Variants in TENM1 observed in about 807,000 individuals in gnomAD.
The protein encoded by TENM1 is teneurin transmembrane protein 1.
Under a neutral mutation model 174.8 loss-of-function variants are expected in TENM1, and 35 were observed. That is an observed-to-expected ratio of 0.20 (90% confidence interval 0.15 to 0.27). TENM1 has a LOEUF of 0.27. Among genes scored for constraint, TENM1 ranks in the 10% least tolerant of loss-of-function variants. The pLI is 1.00. For missense variants in TENM1, 1,633 were observed against 2,130.1 expected, an observed-to-expected ratio of 0.77 and a Z score of 4.59; for synonymous variants, 781 against 798.7, an observed-to-expected ratio of 0.98 and a Z score of 0.37.
intron 3 of TENM1, among the ~76,000 whole-genome samples, chrX:124,739,069 G>T (rs1314382673): frequency 8.9e-6 from 1 of 112,014 alleles, no homozygotes; most frequent in Non-Finnish European, 1.9e-5. Context: ...AATGTAGAAA[G>T]GAAGGCAGTG....
At chrX:124,625,678 G>A (rs944563700) in intron 11 of TENM1, among the ~76,000 whole-genome samples, 1 of 110,836 alleles carries the variant, frequency 9.0e-6, no homozygotes, top group African/African-American at 3.3e-5. Flanking sequence ...GGCAAAGGGG[G>A]AGGAAGGTGT....
At chrX:124,879,366 C>T (rs755094826) in intron 3 of TENM1, among the ~76,000 whole-genome samples, 106 of 112,301 alleles carry the variant, frequency 9.4e-4, no homozygotes, top group Non-Finnish European at 1.5e-3. Context: ...TGGGTGAGAA[C>T]ATATATCATT....
chrX:124,780,038 G>A (rs954993637), intron 3 of TENM1, among the ~76,000 whole-genome samples: 6 of 111,425 alleles, frequency 5.4e-5, no homozygotes, highest in Admixed American at 9.6e-5. Flanking sequence ...ATTTTAAGAG[G>A]ATCATTCTTC....
intron 18 of TENM1, among the ~76,000 whole-genome samples, chrX:124,515,257 A>T (rs1489617495): frequency 8.9e-6 from 1 of 111,858 alleles, no homozygotes; most frequent in Non-Finnish European, 1.9e-5. Flanking sequence ...GAATGGGCAA[A>T]ACCTGGAAGC....
chrX:124,640,090 A>G (rs897823299), intron 11 of TENM1, among the ~76,000 whole-genome samples: 1 of 110,503 alleles, frequency 9.0e-6, no homozygotes, highest in Non-Finnish European at 1.9e-5. Flanking sequence ...GAGGTTATAT[A>G]TACATATAAC....
chrX:124,770,710 A>ATT (rs201991337), intron 3 of TENM1, among the ~76,000 whole-genome samples: 1 of 98,680 alleles, frequency 1.0e-5, no homozygotes, highest in Non-Finnish European at 2.1e-5. Context: ...CACCCAGACC[A>ATT]TTTTTTTTTT....
intron 3 of TENM1, among the ~76,000 whole-genome samples, chrX:124,793,641 G>C (rs574641047): frequency 9.0e-6 from 1 of 111,502 alleles, no homozygotes. Flanking sequence ...AGAAATTACG[G>C]AACTTCTCTG....
At chrX:124,612,765 C>A (rs887098976) in intron 11 of TENM1, among the ~76,000 whole-genome samples, 1 of 111,004 alleles carries the variant, frequency 9.0e-6, no homozygotes, top group South Asian at 3.9e-4. Flanking sequence ...TCCCTTCCTC[C>A]TTTTCTCCCA....
intron 3 of TENM1, among the ~76,000 whole-genome samples, chrX:124,814,954 T>C (rs1046527540): frequency 8.9e-6 from 1 of 112,381 alleles, no homozygotes; most frequent in Non-Finnish European, 1.9e-5. Flanking sequence ...TCTGTCTAGA[T>C]GGTGTATATC....
chrX:124,596,197 G>A (rs2049886930), intron 11 of TENM1, among the ~76,000 whole-genome samples: 2 of 101,545 alleles, frequency 2.0e-5, no homozygotes, highest in Admixed American at 1.1e-4. Context: ...TTGCTCTGAT[G>A]GCTGACTTAA....
the TENM1 span, among the ~76,000 whole-genome samples, chrX:125,004,234 TC>T: frequency 1.8e-5 from 2 of 111,819 alleles, no homozygotes; most frequent in Non-Finnish European, 3.8e-5. Flanking sequence ...CATTTCTGAT[TC>T]AGTAAGCATG....
the TENM1 span, among the ~76,000 whole-genome samples, chrX:125,041,554 T>C: frequency 8.9e-6 from 1 of 112,145 alleles, no homozygotes; most frequent in East Asian, 2.8e-4. Flanking sequence ...AAGCCAACTT[T>C]AATTAAAAAC....
At chrX:124,659,189 A>G (rs963887670) in intron 6 of TENM1, among the ~76,000 whole-genome samples, 30 of 112,281 alleles carry the variant, frequency 2.7e-4, no homozygotes, top group African/African-American at 9.7e-4. Flanking sequence ...AATTGATATA[A>G]AGCACAAATG....
chrX:124,925,822 A>G (rs1400516005), intron 1 of TENM1, among the ~76,000 whole-genome samples: 2 of 111,806 alleles, frequency 1.8e-5, no homozygotes, highest in African/African-American at 3.3e-5. Context: ...TAAATAACAT[A>G]AATGAATGAA....
At chrX:124,420,971 A>G (rs957241790) in intron 24 of TENM1, 150 bp from the exon 28 acceptor site, 1 of 520,991 alleles carries the variant, frequency 1.9e-6, no homozygotes, top group African/African-American at 2.4e-5. Flanking sequence ...AAAAATATGA[A>G]GCCTATTATT....
At chrX:125,126,897 A>G in the TENM1 span, among the ~76,000 whole-genome samples, 2 of 111,498 alleles carry the variant, frequency 1.8e-5, no homozygotes, top group Non-Finnish European at 3.8e-5. Flanking sequence ...CACATCTCTA[A>G]TTCAGTTCTA....
At chrX:124,495,562 G>T (rs1423953418) in intron 20 of TENM1, among the ~76,000 whole-genome samples, 55 of 109,889 alleles carry the variant, frequency 5.0e-4, no homozygotes, top group African/African-American at 1.8e-3. Context: ...CATTGCTTTT[G>T]GTGTTTTAGA....
the TENM1 span, among the ~76,000 whole-genome samples, chrX:125,065,602 C>T: frequency 4.4e-4 from 49 of 112,442 alleles, no homozygotes; most frequent in East Asian, 0.012. Flanking sequence ...GGTATCATCA[C>T]TTACAAAAGC....
the TENM1 span, among the ~76,000 whole-genome samples, chrX:125,171,267 C>T: frequency 9.2e-6 from 1 of 108,742 alleles, no homozygotes; most frequent in South Asian, 3.9e-4. Flanking sequence ...ATTAAAGGTC[C>T]AGAAAAAAAA....
Sources: allele counts gnomAD v4.1 joint callset (sites outside exome capture counted in the v4.1 genomes callset), GRCh38; gene constraint gnomAD v4.1.1; transcripts MANE v1.5; gene names NCBI Gene and HGNC (gene_info 2026-07-23, HGNC 2026-07-21).